The following AP1AR variants were observed in gnomAD, a reference collection of about 807,000 sequenced individuals.
The protein encoded by AP1AR is adaptor related protein complex 1 associated regulatory protein.
AP1AR carries 29 observed loss-of-function variants against 46.3 expected under a neutral mutation model. The ratio of observed to expected loss-of-function variants is 0.63; its 90% CI spans 0.47 to 0.85. The LOEUF (loss-of-function observed/expected upper bound fraction) is 0.85, where lower values mean the gene tolerates loss of function less well. AP1AR is among the 40% of genes least tolerant of loss of function. The pLI is 0.00. For missense variants in AP1AR, 357 were observed against 356.3 expected, an observed-to-expected ratio of 1.00 and a Z score of -0.02; for synonymous variants, 122 against 122.9, an observed-to-expected ratio of 0.99 and a Z score of 0.05.
At chr4:112,252,181 A>G (rs1393414232) in intron 1 of AP1AR, among the ~76,000 whole-genome samples, 1 of 152,148 alleles carries the variant, frequency 6.6e-6, no homozygotes, top group African/African-American at 2.4e-5. Flanking sequence ...CAAAGCTGCA[A>G]TGAGTCAGGA....
At position 112,272,848 on chromosome 4, in the gene AP1AR, A is replaced by T. The variant is rs1049334034; in HGVS notation, c.*4439A>T. 4 of 152,198 alleles carry T rather than the reference A, an allele frequency of 2.6e-5. No individual in the cohort carries two copies. Among genetic ancestry groups the T allele is most frequent in the African/African-American group, 9.7e-5 (4 of 41,440 alleles). The allele number at this position is 152,198 out of a possible 1,614,324, so 9.4% of individuals were successfully genotyped here. Reference sequence around the variant, plus strand: ...TTGGAATTATGCCCGCTTTTTTTTCAATAGATAAATATATTTTTCTAGCAG... The same window carrying T: ...TTGGAATTATGCCCGCTTTTTTTTCTATAGATAAATATATTTTTCTAGCAG... On this transcript the variant is annotated 3_prime_UTR_variant, in exon 10 of 10. Coordinates refer to ENST00000274000, the MANE Select transcript of AP1AR (RefSeq NM_018569.6).
intron 3 of AP1AR, among the ~76,000 whole-genome samples, chr4:112,255,251 G>A (rs1217471934): frequency 2.0e-5 from 3 of 149,408 alleles, no homozygotes; most frequent in Admixed American, 6.7e-5. Context: ...GAGCCACCGC[G>A]CCCAGCCAAT....
In AP1AR at chr4:112,265,425, T is replaced by A. The variant is rs535798798; in HGVS notation, c.441-309T>A. The A allele has an allele frequency of 2.7e-3, 973 of 361,236 alleles. 6 individuals are homozygous for A. The highest frequency in any genetic ancestry group is 3.6e-3 in the Non-Finnish European group (742 of 203,332). The allele number at this position is 361,236 out of a possible 1,614,324, so 22.4% of individuals were successfully genotyped here. ...GTGGTCATTTTTTGGAAGAGATATT[T>A]CAGTGTCACATTTCCACAAGTATCA... On this transcript the variant is annotated intron_variant, in intron 7 of 9. Coordinates refer to ENST00000274000, the MANE Select transcript of AP1AR (RefSeq NM_018569.6).
Position 112,231,998 on chromosome 4 carries a change from T to C in AP1AR, c.-94T>C. The C allele has an allele frequency of 3.3e-6, 4 of 1,195,834 alleles. No individual in the cohort carries two copies. Among genetic ancestry groups the C allele is most frequent in the Middle Eastern group, 2.1e-4 (1 of 4,766 alleles). 74.1% of individuals were successfully genotyped at this position (1,195,834 alleles called of 1,614,324 possible). ...GCCCGCCCTCGGTCCTTGAACCCCA[T>C]TTCGGCTCGTGCCGTGCGGATGCAG... On this transcript the variant is annotated 5_prime_UTR_variant, in exon 1 of 10. Coordinates refer to ENST00000274000, the MANE Select transcript of AP1AR (RefSeq NM_018569.6).
At position 112,258,551 on chromosome 4, in the gene AP1AR, A is replaced by G. The variant is rs1726303110; in HGVS notation, c.185+754A>G. On this transcript the variant is annotated intron_variant, in intron 4 of 9. Transcript: ENST00000274000. ...TTAGAGAAGAGGCTGTTTGCCCAAA[A>G]CAAAATCCAAGAAGACATTTTTAAG... Among the ~76,000 whole-genome samples, 3 of 152,204 alleles carry G rather than the reference A, an allele frequency of 2.0e-5. No individual in the cohort carries two copies. The South Asian group carries it at 6.2e-4, about 31-fold the overall frequency.
intron 1 of AP1AR, among the ~76,000 whole-genome samples, chr4:112,233,190 T>C (rs940525614): frequency 2.6e-5 from 4 of 152,186 alleles, no homozygotes; most frequent in Non-Finnish European, 4.4e-5. Flanking sequence ...CATAAATAAA[T>C]TGCAGTAAAT....
At chr4:112,266,407 A>G (rs1726708726) in intron 8 of AP1AR, among the ~76,000 whole-genome samples, 181 bp from the exon 9 acceptor site, 1 of 151,966 alleles carries the variant, frequency 6.6e-6, no homozygotes, top group South Asian at 2.1e-4. Context: ...AAAAGAGAGA[A>G]AAGTTTCTTT....
intron 1 of AP1AR, among the ~76,000 whole-genome samples, chr4:112,245,890 A>G (rs1578407209): frequency 6.6e-6 from 1 of 152,296 alleles, no homozygotes; most frequent in East Asian, 1.9e-4. Context: ...ACTAACAGTA[A>G]TTGAGAGTCA....
Position 112,266,633 on chromosome 4 carries a change from G to T in AP1AR, c.560G>T (p.Ser187Ile), listed in dbSNP as rs759108143. ...GTTTTGACACCAAATACAGAAAGCA[G>T]TTGTGATTTAATGACCAAAACTAAA... The part of the protein sequence containing the change: ...ATVLTPNTES[S>I]CDLMTKTKST... Residue 187 changes from serine (S) to isoleucine (I), a missense_variant, in exon 9 of 10, where the codon AGT (serine) becomes ATT (isoleucine). Around this residue, in one of 2 missense-constraint regions of AP1AR, gnomAD observed 269 missense variants for 223.6 expected, o/e 1.20. Coordinates refer to ENST00000274000, the MANE Select transcript of AP1AR (RefSeq NM_018569.6). 6.2e-7 allele frequency: 1 copy of T among 1,611,014 alleles called. No individual in the cohort carries two copies. The highest frequency in any genetic ancestry group is 2.2e-5 in the East Asian group (1 of 44,682).
chr4:112,257,948 C>A, intron 4 of AP1AR, 151 bp downstream of exon 4: 1 of 592,834 alleles, frequency 1.7e-6, no homozygotes, highest in Non-Finnish European at 2.7e-6. Context: ...AAGATTGAGA[C>A]AAATATCATA....
At chr4:112,253,118 C>T in intron 1 of AP1AR, 90 bp from the exon 2 acceptor site, 1 of 932,926 alleles carries the variant, frequency 1.1e-6, no homozygotes, top group Non-Finnish European at 1.6e-6. Context: ...TTTAAAGTTG[C>T]TCTTGAGGAA....
Position 112,268,670 on chromosome 4 carries a change from C to CT in AP1AR, c.*264dup. 6.6e-6 allele frequency: 2 copies of CT among 301,706 alleles called. No homozygotes were observed. Among genetic ancestry groups the CT allele is most frequent in the Non-Finnish European group, 1.2e-5 (2 of 165,582 alleles). 18.7% of individuals were successfully genotyped at this position (301,706 alleles called of 1,614,324 possible). A position where few individuals can be genotyped will look rare whatever the true frequency, so the allele number is the denominator to read the frequency against. ...ACTGATTAAATTTACTTTGTCTTGT[C>CT]TTTATAGCATTTCTGTTTACTATGG... On this transcript the variant is annotated 3_prime_UTR_variant, in exon 10 of 10. Transcript: ENST00000274000.
chr4:112,260,080 G>A (rs1345708113), intron 4 of AP1AR, among the ~76,000 whole-genome samples: 1 of 152,178 alleles, frequency 6.6e-6, no homozygotes, highest in Non-Finnish European at 1.5e-5. Context: ...GTGCCAAATT[G>A]ATGTCAGGTT....
intron 1 of AP1AR, among the ~76,000 whole-genome samples, chr4:112,244,469 C>G (rs991890347): frequency 6.6e-6 from 1 of 152,116 alleles, no homozygotes; most frequent in Non-Finnish European, 1.5e-5. Flanking sequence ...GAAGGTGAAG[C>G]TCAGTAATGT....
At chr4:112,245,121 C>G (rs1424571304) in intron 1 of AP1AR, among the ~76,000 whole-genome samples, 1 of 152,070 alleles carries the variant, frequency 6.6e-6, no homozygotes, top group African/African-American at 2.4e-5. Context: ...AATAGTAGAT[C>G]AGATTTTCTT....
At chr4:112,250,517 G>A (rs986181357) in intron 1 of AP1AR, among the ~76,000 whole-genome samples, 1 of 152,018 alleles carries the variant, frequency 6.6e-6, no homozygotes, top group African/African-American at 2.4e-5. Context: ...CATGTCTGAG[G>A]GTCCTATTCA....
At chr4:112,232,198 C>T (rs1725037645) in intron 1 of AP1AR, 24 bp downstream of exon 1, 5 of 1,264,268 alleles carry the variant, frequency 4.0e-6, no homozygotes, top group South Asian at 3.1e-5. Context: ...GGGAGGGGCC[C>T]GGCCCCCGTG....
intron 1 of AP1AR, among the ~76,000 whole-genome samples, chr4:112,239,011 C>T (rs190839021): frequency 3.7e-4 from 56 of 152,238 alleles, no homozygotes; most frequent in Non-Finnish European, 6.5e-4. Flanking sequence ...TGTTACTCAC[C>T]CTTTAAACCC....
intron 4 of AP1AR, among the ~76,000 whole-genome samples, chr4:112,259,811 C>A (rs1726361876): frequency 6.6e-6 from 1 of 152,040 alleles, no homozygotes; most frequent in Non-Finnish European, 1.5e-5. Flanking sequence ...GTAGGTGACT[C>A]TGAACAAGTT....
Sources: allele counts gnomAD v4.1 joint callset (sites outside exome capture counted in the v4.1 genomes callset), GRCh38; gene constraint gnomAD v4.1.1; regional missense constraint gnomAD v4.1.1; transcripts MANE v1.5; gene names NCBI Gene and HGNC (gene_info 2026-07-23, HGNC 2026-07-21).